The following DGKD variants were observed in gnomAD, a reference collection of about 807,000 sequenced individuals.
DGKD encodes DAG kinase delta.
Under a neutral mutation model 154.4 loss-of-function variants are expected in DGKD, and 68 were observed. The observed-to-expected ratio is 0.44, with a 90% CI of 0.36 to 0.54. The LOEUF is 0.54. DGKD is among the 20% of genes least tolerant of loss of function. The pLI is 0.00. For missense variants in DGKD, 1,343 were observed against 1,593.6 expected, an observed-to-expected ratio of 0.84 and a Z score of 2.68; for synonymous variants, 693 against 638.0, an observed-to-expected ratio of 1.09 and a Z score of -1.30.
At chr2:233,364,143 A>G (rs1385791928) in intron 1 of DGKD, among the ~76,000 whole-genome samples, 4 of 152,238 alleles carry the variant, frequency 2.6e-5, no homozygotes, top group African/African-American at 9.6e-5. Context: ...TAACAGAAAT[A>G]ATGGAAACCA....
At chr2:233,367,227 GA>G (rs1287932470) in intron 1 of DGKD, among the ~76,000 whole-genome samples, 1 of 107,692 alleles carries the variant, frequency 9.3e-6, no homozygotes. Flanking sequence ...TGGTATTAAT[GA>G]CTTTTTTTTT....
In DGKD at chr2:233,467,095, C is replaced by G. The variant is rs758026763; in HGVS notation, c.3316C>G (p.Leu1106Val). 1 of 1,613,524 alleles carries G rather than the reference C, an allele frequency of 6.2e-7. No individual in the cohort carries two copies. Among genetic ancestry groups the G allele is most frequent in the Non-Finnish European group, 8.5e-7 (1 of 1,179,390 alleles). Residue 1106 changes from leucine to valine, a missense_variant, in exon 28 of 30, where the codon CTG (leucine) becomes GTG (valine). Leu to Val is a conservative substitution (Grantham distance 32, BLOSUM62 1). Transcript: ENST00000264057. ...AEPGDEESVMLDLAKRSRSGK... is the reference protein window; with the variant it reads ...AEPGDEESVMVDLAKRSRSGK... ...TCATTCTCCCCAACAGAGTGTGATG[C>G]TGGATCTTGCCAAGCGCAGTCGCAG... is the stretch of plus-strand genomic sequence containing the variant.
At chr2:233,412,795 A>G (rs1027394016) in intron 3 of DGKD, among the ~76,000 whole-genome samples, 1 of 152,196 alleles carries the variant, frequency 6.6e-6, no homozygotes, top group Non-Finnish European at 1.5e-5. Flanking sequence ...TTAATTATTA[A>G]TGGGTGTTGA....
At chr2:233,381,729 A>G (rs951080703) in intron 1 of DGKD, among the ~76,000 whole-genome samples, 5 of 152,246 alleles carry the variant, frequency 3.3e-5, no homozygotes, top group African/African-American at 1.2e-4. Flanking sequence ...ACTGCAAACC[A>G]CAGATGAAGC....
At chr2:233,450,511 G>T (rs888853543) in intron 16 of DGKD, among the ~76,000 whole-genome samples, 2 of 152,118 alleles carry the variant, frequency 1.3e-5, no homozygotes, top group Non-Finnish European at 1.5e-5. Context: ...CTTTGTCCTT[G>T]CCCCTCCTGG....
chr2:233,386,884 C>T lies in DGKD; in HGVS notation c.157-1373C>T, dbSNP rs189631225. Among the ~76,000 whole-genome samples the T allele has an allele frequency of 3.5e-3, 531 of 152,336 alleles. 1 individual carries two copies. Among genetic ancestry groups the T allele is most frequent in the Non-Finnish European group, 4.5e-3 (306 of 68,034 alleles). On this transcript the variant is annotated intron_variant, in intron 1 of 29. Coordinates refer to ENST00000264057, the MANE Select transcript of DGKD (RefSeq NM_152879.3). ...TGGTCGTGAGTGCAGCCAGTTCCCC[C>T]CAACCCAGGAAGGGCACAGTGAGGA...
rs1559548420 is a variant in DGKD, at chr2:233,438,209, G to T, written c.923-8G>T. On this transcript the variant is annotated splice_polypyrimidine_tract_variant and splice_region_variant and intron_variant, in intron 8 of 29. Coordinates refer to ENST00000264057, the MANE Select transcript of DGKD (RefSeq NM_152879.3). The surrounding 1 kb of genome is among the most constrained non-coding windows in gnomAD (Gnocchi z 4.1). ...TATATATTTTCTTCTGTTCGTTCTT[G>T]CGTCCAGGGTTCTGGAAGGCCAGCT... 2.5e-6 allele frequency: 4 copies of T among 1,612,776 alleles called. No homozygotes were observed. Among genetic ancestry groups the T allele is most frequent in the Non-Finnish European group, 3.4e-6 (4 of 1,179,354 alleles).
chr2:233,438,499 T>C lies in DGKD; in HGVS notation c.1085+120T>C. On this transcript the variant is annotated intron_variant, in intron 9 of 29. Transcript: ENST00000264057. The surrounding 1 kb of genome is among the most constrained non-coding windows in gnomAD (Gnocchi z 4.1). ...TTTAAATAGGAAAGAAAAGTTGAAC[T>C]GCTTCCTTCCCAAATTGCACTTGCA... 1 of 1,260,786 alleles carries C rather than the reference T, an allele frequency of 7.9e-7. No homozygotes were observed. Among genetic ancestry groups the C allele is most frequent in the Non-Finnish European group, 1.1e-6 (1 of 926,382 alleles). The allele number at this position is 1,260,786 out of a possible 1,614,324, so 78.1% of individuals were successfully genotyped here.
intron 3 of DGKD, among the ~76,000 whole-genome samples, chr2:233,430,378 G>C (rs2062468886): frequency 1.3e-5 from 2 of 152,194 alleles, no homozygotes; most frequent in African/African-American, 4.8e-5. Flanking sequence ...GTGGAGTACT[G>C]TGCCACTGTT....
At position 233,446,742 on chromosome 2, in the gene DGKD, C is replaced by G. The variant is rs780526644; in HGVS notation, c.1365C>G (p.Leu455=). The G allele has an allele frequency of 1.2e-6, 2 of 1,614,084 alleles. No homozygotes were observed. Among genetic ancestry groups the G allele is most frequent in the Non-Finnish European group, 1.7e-6 (2 of 1,180,012 alleles). Reference sequence around the variant, plus strand: ...GCGTCATGGCATACGAGGCCAAGCTCCCCCGGCAGGCCTCCTCCTCTACCG... The same window carrying G: ...GCGTCATGGCATACGAGGCCAAGCTGCCCCGGCAGGCCTCCTCCTCTACCG... ...RWSVMAYEAK[L]PRQASSSTVT... Residue 455 remains leucine, a synonymous_variant, in exon 12 of 30, where the codon CTC becomes CTG. Transcript: ENST00000264057.
At chr2:233,400,807 C>T (rs1473551523) in intron 3 of DGKD, among the ~76,000 whole-genome samples, 2 of 152,138 alleles carry the variant, frequency 1.3e-5, no homozygotes, top group Non-Finnish European at 2.9e-5. Context: ...GCCCAGGAGG[C>T]CCGTGGAAAG....
chr2:233,453,236 G>A (rs1200733010), intron 18 of DGKD, among the ~76,000 whole-genome samples: 3 of 152,132 alleles, frequency 2.0e-5, no homozygotes, highest in Admixed American at 6.5e-5. Flanking sequence ...TGCCTGGGCC[G>A]TATTGTGTGG....
intron 1 of DGKD, among the ~76,000 whole-genome samples, chr2:233,384,491 G>A (rs1703067878): frequency 6.6e-6 from 1 of 152,106 alleles, no homozygotes; most frequent in African/African-American, 2.4e-5. Flanking sequence ...AGAGCTGGCC[G>A]TCGCCTTACA....
rs1161211794 is a variant in DGKD, at chr2:233,459,274, C to T, written c.2695-483C>T. On this transcript the variant is annotated intron_variant, in intron 22 of 29. Transcript: ENST00000264057. The surrounding 1 kb of genome is among the most constrained non-coding windows in gnomAD (Gnocchi z 5.7). ...CACCCTGCGACTGTCTGGTGTCTTC[C>T]AGCACTCTGTCTACCCTTAGCTGTA... Among the ~76,000 whole-genome samples, 1 of 152,184 alleles carries T rather than the reference C, an allele frequency of 6.6e-6. No individual in the cohort carries two copies. The highest frequency in any genetic ancestry group is 1.5e-5 in the Non-Finnish European group (1 of 68,024).
chr2:233,458,302 T>C lies in DGKD; in HGVS notation c.2599T>C (p.Phe867Leu). The change falls in exon 22 of 30, where the codon TTC becomes CTC. Residue 867 changes from phenylalanine (F) to leucine (L), a missense_variant. Transcript: ENST00000264057. The surrounding 1 kb of genome is among the most constrained non-coding windows in gnomAD (Gnocchi z 6.6). ...KEDDTFAAPS[F>L]DDKILEVVAV... ...CTTGCAGACTTTCGCAGCTCCATCA[T>C]TCGATGACAAGATTCTGGAGGTGGT... 1.2e-6 allele frequency: 2 copies of C among 1,612,750 alleles called. No homozygotes were observed. The highest frequency in any genetic ancestry group is 8.5e-7 in the Non-Finnish European group (1 of 1,179,566).
chr2:233,457,835 A>T lies in DGKD; in HGVS notation c.2581-449A>T. 3.0e-6 allele frequency: 1 copy of T among 335,386 alleles called. No individual in the cohort carries two copies. Among genetic ancestry groups the T allele is most frequent in the South Asian group, 2.4e-5 (1 of 41,098 alleles). 20.8% of individuals were successfully genotyped at this position (335,386 alleles called of 1,614,324 possible). ...TCACACTGGGCTGTGTGAGCTGGGG[A>T]AGAAGTTTGGAATTTGTGTTAAGAA... On this transcript the variant is annotated intron_variant, in intron 21 of 29. Coordinates refer to ENST00000264057, the MANE Select transcript of DGKD (RefSeq NM_152879.3). This position sits in a 1 kb window ranked among gnomAD's most constrained non-coding sequence, Gnocchi z 5.5.
intron 6 of DGKD, 105 bp from the exon 7 acceptor site, chr2:233,436,211 G>A: frequency 6.4e-7 from 1 of 1,558,534 alleles, no homozygotes; most frequent in Non-Finnish European, 8.7e-7. Flanking sequence ...GAAGGAGCTT[G>A]TTCTGGGAAG....
chr2:233,456,791 G>A (rs1051729598), intron 19 of DGKD, 108 bp from the exon 20 acceptor site: 159 of 794,922 alleles, frequency 2.0e-4, no homozygotes, highest in East Asian at 4.2e-4. Context: ...ATTGCTAAAT[G>A]TAGCTGATTT....
chr2:233,462,435 G>T lies in DGKD; in HGVS notation c.3069G>T (p.Val1023=). ...CCAGCTCCAAGTCCATGGACCGTGTGTATGGCAAGCCCAGAACCACAGAGG... is the reference window on the plus strand; with the variant it reads ...CCAGCTCCAAGTCCATGGACCGTGTTTATGGCAAGCCCAGAACCACAGAGG... The part of the protein sequence containing the change: ...VNASSKSMDR[V]YGKPRTTEGL... Residue 1023 remains valine (V), a synonymous_variant, in exon 25 of 30, where the codon GTG becomes GTT. Transcript: ENST00000264057. 6.2e-7 allele frequency: 1 copy of T among 1,600,688 alleles called. No homozygotes were observed.
Sources: allele counts gnomAD v4.1 joint callset (sites outside exome capture counted in the v4.1 genomes callset), GRCh38; gene constraint gnomAD v4.1.1; non-coding constraint Gnocchi (gnomAD v3.1); transcripts MANE v1.5; gene names NCBI Gene and HGNC (gene_info 2026-07-23, HGNC 2026-07-21).